Variants in PARG observed in about 807,000 individuals in gnomAD.
PARG encodes mitochondrial poly(ADP-ribose) glycohydrolase.
Under a neutral mutation model 113.0 loss-of-function variants are expected in PARG, and 35 were observed. The ratio of observed to expected loss-of-function variants is 0.31; its 90% CI spans 0.24 to 0.41. PARG has a LOEUF of 0.41. Ranked by LOEUF, PARG falls within the 10% of genes least tolerant of loss-of-function variation. The pLI, the probability that PARG is intolerant of heterozygous loss-of-function variation, is 1.00. For synonymous variants in PARG, 330 were observed against 409.9 expected, an observed-to-expected ratio of 0.81 and a Z score of 2.36; for missense variants, 797 against 1,169.4, an observed-to-expected ratio of 0.68 and a Z score of 4.64.
intron 7 of PARG, among the ~76,000 whole-genome samples, chr10:49,888,062 T>G (rs1847584735): frequency 6.6e-6 from 1 of 152,330 alleles, no homozygotes; most frequent in Middle Eastern, 3.4e-3. Context: ...AAGTAGCTGC[T>G]GAAGGACTGC....
At chr10:49,858,368 CACAA>C (rs1846094952) in intron 12 of PARG, among the ~76,000 whole-genome samples, 2 of 135,514 alleles carry the variant, frequency 1.5e-5, no homozygotes, top group African/African-American at 6.1e-5. Context: ...CACACACACA[CACAA>C]CTTGTGTATA....
intron 7 of PARG, among the ~76,000 whole-genome samples, chr10:49,903,032 C>T (rs1554844057): frequency 1.3e-5 from 2 of 151,856 alleles, no homozygotes; most frequent in East Asian, 2.0e-4. Context: ...TCACCATGTT[C>T]GTCAGGATGG....
At chr10:49,837,706 G>A (rs782701808) in intron 15 of PARG, among the ~76,000 whole-genome samples, 1 of 152,110 alleles carries the variant, frequency 6.6e-6, no homozygotes, top group Non-Finnish European at 1.5e-5. Flanking sequence ...TCCTTTTTCA[G>A]TGAAAGAATT....
chr10:49,926,877 G>GCTA (rs1838193466), intron 4 of PARG, among the ~76,000 whole-genome samples: 2 of 152,186 alleles, frequency 1.3e-5, no homozygotes, highest in African/African-American at 4.8e-5. Context: ...TTAAGCAATA[G>GCTA]CTATCTTATT....
At chr10:49,891,129 A>G (rs1231776765) in intron 7 of PARG, among the ~76,000 whole-genome samples, 4 of 152,152 alleles carry the variant, frequency 2.6e-5, no homozygotes, top group Admixed American at 2.0e-4. Flanking sequence ...CCTGGCTAAC[A>G]TGGTGAAACC....
At chr10:49,838,543 C>A (rs1157704981) in intron 15 of PARG, among the ~76,000 whole-genome samples, 1 of 148,160 alleles carries the variant, frequency 6.7e-6, no homozygotes, top group Non-Finnish European at 1.5e-5. Context: ...AATTACTCAA[C>A]TTCCTAAGAA....
chr10:49,846,015 G>A (rs1302549547), intron 13 of PARG, among the ~76,000 whole-genome samples: 3 of 151,398 alleles, frequency 2.0e-5, no homozygotes, highest in African/African-American at 7.3e-5. Flanking sequence ...CAGAATAACT[G>A]GGGGCTGTAG....
Position 49,915,950 on chromosome 10 carries a change from C to T in PARG, c.1704G>A (p.Trp568Ter), listed in dbSNP as rs1253933705. 11 of 1,541,350 alleles carry T rather than the reference C, an allele frequency of 7.1e-6. No homozygotes were observed. Among genetic ancestry groups the T allele is most frequent in the Non-Finnish European group, 7.0e-6 (8 of 1,137,232 alleles). ...LKYNVAYSKK[W>*]DFTALIDFWD... is the part of the protein sequence containing the mutation. ...AGAAATCGATCAAAGCTGTAAAGTCCCATTTCTTAGAATATGCCACATTGT... is the reference window on the plus strand; with the variant it reads ...AGAAATCGATCAAAGCTGTAAAGTCTCATTTCTTAGAATATGCCACATTGT... Residue 568 changes from tryptophan to a stop codon, truncating the protein, a stop_gained, in exon 7 of 18, where the codon TGG becomes TGA. Coordinates refer to ENST00000616448, the MANE Select transcript of PARG (RefSeq NM_003631.5). LOFTEE classifies it high-confidence loss of function.
Position 49,881,686 on chromosome 10 carries a change from G to A in PARG, c.1831-1856C>T, listed in dbSNP as rs1176737444. Among the ~76,000 whole-genome samples the A allele has an allele frequency of 2.7e-4, 41 of 152,252 alleles. 1 individual carries two copies. Among genetic ancestry groups the A allele is most frequent in the African/African-American group, 9.4e-4 (39 of 41,538 alleles). On this transcript the variant is annotated intron_variant, in intron 8 of 17. Transcript: ENST00000616448. The stretch of plus-strand genomic sequence containing the variant: ...AATGAATGCTTTTCTAAGTACAGAA[G>A]TACACACCACTGCTAGAATAAGAGT...
At chr10:49,920,463 A>AAAAAAAAAAAAATAT (rs1431747248) in intron 6 of PARG, among the ~76,000 whole-genome samples, 1 of 47,988 alleles carries the variant, frequency 2.1e-5, no homozygotes, top group African/African-American at 5.0e-5. Flanking sequence ...AAAAAAAAAA[A>AAAAAAAAAAAAATAT]ATATATATAT....
chr10:49,820,659 T>A (rs1408655354), intron 16 of PARG, among the ~76,000 whole-genome samples: 1 of 143,110 alleles, frequency 7.0e-6, no homozygotes, highest in Non-Finnish European at 1.5e-5. Flanking sequence ...GAGGTGGAGG[T>A]GGCAGGTGAG....
chr10:49,906,159 T>TTTTTTTTTTTTTC (rs4012651), intron 7 of PARG, among the ~76,000 whole-genome samples: 1 of 142,192 alleles, frequency 7.0e-6, no homozygotes, highest in African/African-American at 2.5e-5. Flanking sequence ...TTTTTTTTTT[T>TTTTTTTTTTTTTC]CCCAGTAGAA....
At chr10:49,836,810 A>G (rs1844958928) in intron 15 of PARG, among the ~76,000 whole-genome samples, 1 of 152,216 alleles carries the variant, frequency 6.6e-6, no homozygotes, top group African/African-American at 2.4e-5. Flanking sequence ...ATCAATAAAC[A>G]GATCAATTTT....
At chr10:49,918,857 T>TTCAG (rs1554848370) in intron 6 of PARG, among the ~76,000 whole-genome samples, 125 of 152,294 alleles carry the variant, frequency 8.2e-4, no homozygotes, top group Non-Finnish European at 4.1e-4. Flanking sequence ...TTAAAGCAAT[T>TTCAG]ACCCCTTCCT....
Position 49,900,516 on chromosome 10 carries a change from T to C in PARG, c.1738-15221A>G, listed in dbSNP as rs570691935. On this transcript the variant is annotated intron_variant, in intron 7 of 17. Coordinates refer to ENST00000616448, the MANE Select transcript of PARG (RefSeq NM_003631.5). Reference sequence around the variant, plus strand: ...CACAAACTTCATTAAACATGAAGAATAGAATTGTGTAGGTTTATAAAACAT... The same window carrying C: ...CACAAACTTCATTAAACATGAAGAACAGAATTGTGTAGGTTTATAAAACAT... 4.8e-4 allele frequency among the ~76,000 whole-genome samples: 73 copies of C among 152,262 alleles called. 1 individual carries two copies. Among genetic ancestry groups the C allele is most frequent in the Middle Eastern group, 3.4e-3 (1 of 294 alleles).
rs548672761 is a variant in PARG, at chr10:49,844,619, T to C, written c.2354-987A>G. Reference sequence around the variant, plus strand: ...GCCTGGGCCACAGAGCAAGACTCCATCTCAAAAAAAAAAAAAAAGACACTA... The same window carrying C: ...GCCTGGGCCACAGAGCAAGACTCCACCTCAAAAAAAAAAAAAAAGACACTA... On this transcript the variant is annotated intron_variant, in intron 13 of 17. Transcript: ENST00000616448. Among the ~76,000 whole-genome samples the C allele has an allele frequency of 2.7e-3, 322 of 119,434 alleles. 2 individuals are homozygous for C. The highest frequency in any genetic ancestry group is 9.8e-3 in the African/African-American group (309 of 31,474). The allele number at this position is 119,434 out of a possible 152,430, so 78.4% of individuals were successfully genotyped here.
Position 49,829,383 on chromosome 10 carries a change from C to G in PARG, c.2647+3420G>C, listed in dbSNP as rs1050880927. 3.3e-5 allele frequency among the ~76,000 whole-genome samples: 5 copies of G among 152,106 alleles called. No homozygotes were observed. In the South Asian group the frequency reaches 1.0e-3, roughly 32 times the overall value. Reference sequence around the variant, plus strand: ...AAGTAGCTGGGACTATAGGCGCATACCATTGTGCTCAGCTTAGCCTTATTT... The same window carrying G: ...AAGTAGCTGGGACTATAGGCGCATAGCATTGTGCTCAGCTTAGCCTTATTT... On this transcript the variant is annotated intron_variant, in intron 16 of 17. Coordinates refer to ENST00000616448, the MANE Select transcript of PARG (RefSeq NM_003631.5).
At chr10:49,922,931 C>T (rs563202690) in intron 4 of PARG, among the ~76,000 whole-genome samples, 5 of 152,288 alleles carry the variant, frequency 3.3e-5, no homozygotes, top group African/African-American at 1.2e-4. Context: ...CTATCCTTCT[C>T]CCTAACTCCA....
Position 49,879,945 on chromosome 10 carries a change from A to G in PARG, c.1831-115T>C, listed in dbSNP as rs565493404. 1.1e-3 allele frequency: 667 copies of G among 604,796 alleles called. 2 individuals carry two copies. Among genetic ancestry groups the G allele is most frequent in the African/African-American group, 0.011 (568 of 53,402 alleles). The allele number at this position is 604,796 out of a possible 1,614,324, so 37.5% of individuals were successfully genotyped here. On this transcript the variant is annotated intron_variant, in intron 8 of 17. Transcript: ENST00000616448. The stretch of plus-strand genomic sequence containing the variant: ...ATTAAGGCAGAAATAATTTCAGGCC[A>G]TTCTTGAATCCTTAAATCAGCAATA...
Sources: allele counts gnomAD v4.1 joint callset (sites outside exome capture counted in the v4.1 genomes callset), GRCh38; gene constraint gnomAD v4.1.1; transcripts MANE v1.5; gene names NCBI Gene and HGNC (gene_info 2026-07-23, HGNC 2026-07-21).